The following KLHL1 variants were observed in gnomAD, a reference collection of about 807,000 sequenced individuals.
The protein encoded by KLHL1 is kelch like family member 1, also known as kelch-like protein 1.
KLHL1 carries 47 observed loss-of-function variants against 77.7 expected under a neutral mutation model. The observed-to-expected ratio is 0.60, with a 90% CI of 0.48 to 0.77. The LOEUF (loss-of-function observed/expected upper bound fraction) is 0.77, where lower values mean the gene tolerates loss of function less well. Ranked by LOEUF, KLHL1 falls within the 30% of genes least tolerant of loss-of-function variation. KLHL1 has a pLI of 0.00. For missense variants in KLHL1, 925 were observed against 910.8 expected, an observed-to-expected ratio of 1.02 and a Z score of -0.20; for synonymous variants, 360 against 325.2, an observed-to-expected ratio of 1.11 and a Z score of -1.15.
chr13:70,078,033 A>G lies in KLHL1; in HGVS notation c.497+29170T>C, dbSNP rs542718899. Among the ~76,000 whole-genome samples the G allele has an allele frequency of 2.5e-4, 38 of 152,114 alleles. 2 individuals carry two copies. In the South Asian group the frequency reaches 7.7e-3, roughly 31 times the overall value. On this transcript the variant is annotated intron_variant, in intron 1 of 10. Transcript: ENST00000377844. ...AATATTCTATTAACCTGTTCTCTAC[A>G]GGTGCCTCTCTAAATGATCTTTTTT...
chr13:69,785,215 C>T (rs1876465511), intron 7 of KLHL1, among the ~76,000 whole-genome samples: 1 of 151,962 alleles, frequency 6.6e-6, no homozygotes, highest in Admixed American at 6.6e-5. Flanking sequence ...TTTTTCAGCA[C>T]CACACCACAC....
intron 4 of KLHL1, among the ~76,000 whole-genome samples, chr13:69,935,446 A>G (rs1366835866): frequency 6.6e-6 from 1 of 152,180 alleles, no homozygotes; most frequent in Non-Finnish European, 1.5e-5. Flanking sequence ...AAAAACAAAT[A>G]TATATTATAA....
intron 6 of KLHL1, among the ~76,000 whole-genome samples, chr13:69,803,403 AAAC>A (rs1877476913): frequency 6.6e-6 from 1 of 152,180 alleles, no homozygotes; most frequent in African/African-American, 2.4e-5. Context: ...CCACTCTGAG[AAAC>A]ACTTCTTTTT....
chr13:69,749,353 T>C (rs1593795179), intron 7 of KLHL1, among the ~76,000 whole-genome samples: 1 of 152,152 alleles, frequency 6.6e-6, no homozygotes, highest in African/African-American at 2.4e-5. Flanking sequence ...TCATTTTTCA[T>C]ACAACTCAAG....
chr13:69,890,788 T>C (rs1881400038), intron 4 of KLHL1, among the ~76,000 whole-genome samples: 1 of 152,042 alleles, frequency 6.6e-6, no homozygotes, highest in Admixed American at 6.5e-5. Flanking sequence ...TGAAACTATA[T>C]ATGTCTGTGA....
intron 3 of KLHL1, among the ~76,000 whole-genome samples, chr13:69,945,532 G>T (rs1234507894): frequency 6.6e-6 from 1 of 150,540 alleles, no homozygotes; most frequent in East Asian, 1.9e-4. Flanking sequence ...CAGGAAAAAA[G>T]TTTGCAAATC....
chr13:69,723,543 G>C (rs932635972), intron 8 of KLHL1, among the ~76,000 whole-genome samples: 5 of 151,926 alleles, frequency 3.3e-5, no homozygotes, highest in Non-Finnish European at 4.4e-5. Context: ...AAATTCTAAG[G>C]CTCCCAATGA....
chr13:70,063,151 C>CT (rs909626057), intron 1 of KLHL1, among the ~76,000 whole-genome samples: 1 of 152,066 alleles, frequency 6.6e-6, no homozygotes, highest in African/African-American at 2.4e-5. Flanking sequence ...ACTTAAAACT[C>CT]TAAGTATCCA....
chr13:69,751,422 CA>C (rs542721866), intron 7 of KLHL1, among the ~76,000 whole-genome samples: 50 of 151,342 alleles, frequency 3.3e-4, no homozygotes, highest in Non-Finnish European at 5.6e-4. Context: ...GTCCATGTGA[CA>C]AAAAAAATGG....
At chr13:69,807,430 T>A (rs1877662810) in intron 6 of KLHL1, among the ~76,000 whole-genome samples, 1 of 151,988 alleles carries the variant, frequency 6.6e-6, no homozygotes, top group African/African-American at 2.4e-5. Context: ...GGGAGGGTAC[T>A]TTTCTCCCTT....
intron 4 of KLHL1, among the ~76,000 whole-genome samples, chr13:69,936,594 A>G (rs1160316071): frequency 7.3e-6 from 1 of 136,592 alleles, no homozygotes; most frequent in Non-Finnish European, 1.6e-5. Context: ...CTCCATCTCA[A>G]AAAAAAAAAA....
At chr13:70,083,326 G>A (rs1303077670) in intron 1 of KLHL1, among the ~76,000 whole-genome samples, 1 of 152,148 alleles carries the variant, frequency 6.6e-6, no homozygotes, top group African/African-American at 2.4e-5. Context: ...AGAGTCAAAT[G>A]CATGTTCTTA....
intron 7 of KLHL1, among the ~76,000 whole-genome samples, chr13:69,787,477 A>T (rs1305213469): frequency 6.6e-6 from 1 of 152,202 alleles, no homozygotes; most frequent in African/African-American, 2.4e-5. Flanking sequence ...CTGAAACTGG[A>T]TCCCTTCCTT....
intron 3 of KLHL1, among the ~76,000 whole-genome samples, chr13:69,956,500 T>C (rs969916940): frequency 8.6e-5 from 13 of 151,370 alleles, no homozygotes; most frequent in Non-Finnish European, 3.0e-5. Context: ...TATAGCAATA[T>C]GATAGTCAGT....
rs193177427 is a variant in KLHL1 at position 69,705,767 on chromosome 13, C to T, written c.2187+1858G>A. Among the ~76,000 whole-genome samples, 9 of 151,602 alleles carry T rather than the reference C, an allele frequency of 5.9e-5. No individual in the cohort carries two copies. In the East Asian group the frequency reaches 1.4e-3, roughly 23 times the overall value. Reference sequence around the variant, plus strand: ...ATGCCACTTTGCTGTTTGTAAAATACTATATGATCCAAAAAAGTATAATAA... The same window carrying T: ...ATGCCACTTTGCTGTTTGTAAAATATTATATGATCCAAAAAAGTATAATAA... On this transcript the variant is annotated intron_variant, in intron 10 of 10. Coordinates refer to ENST00000377844, the MANE Select transcript of KLHL1 (RefSeq NM_020866.3).
chr13:69,812,888 A>C lies in KLHL1; in HGVS notation c.1415-15926T>G, dbSNP rs1372667928. Among the ~76,000 whole-genome samples the C allele has an allele frequency of 9.6e-3, 1,403 of 146,292 alleles. 24 individuals are homozygous for C. Among genetic ancestry groups the C allele is most frequent in the African/African-American group, 0.034 (1,305 of 38,254 alleles). ...TACACTGTTGGTGGGACTGTAAACT[A>C]GTTCAACCATTGTGGAAGACAGTGT... is the stretch of plus-strand genomic sequence containing the variant. On this transcript the variant is annotated intron_variant, in intron 6 of 10. Coordinates refer to ENST00000377844, the MANE Select transcript of KLHL1 (RefSeq NM_020866.3).
chr13:69,847,404 C>CAAAAAAAAAAAAA (rs11357077), intron 5 of KLHL1, among the ~76,000 whole-genome samples: 24 of 145,846 alleles, frequency 1.6e-4, no homozygotes, highest in Admixed American at 2.1e-4. Context: ...ACTGCATTAG[C>CAAAAAAAAAAAAA]AAAAAAAAAA....
intron 3 of KLHL1, among the ~76,000 whole-genome samples, chr13:69,949,245 C>T (rs1183405061): frequency 1.3e-5 from 2 of 151,288 alleles, no homozygotes; most frequent in African/African-American, 2.4e-5. Flanking sequence ...GTTCCAGGAT[C>T]GCATTCAGAA....
chr13:69,923,869 T>A (rs1403037140), intron 4 of KLHL1, among the ~76,000 whole-genome samples: 2 of 152,164 alleles, frequency 1.3e-5, no homozygotes, highest in Non-Finnish European at 2.9e-5. Flanking sequence ...AAGCTGCAGC[T>A]GTGGGCCCAG....
Sources: allele counts gnomAD v4.1 joint callset (sites outside exome capture counted in the v4.1 genomes callset), GRCh38; gene constraint gnomAD v4.1.1; transcripts MANE v1.5; gene names NCBI Gene and HGNC (gene_info 2026-07-23, HGNC 2026-07-21).